Variants in NAALADL2 observed in about 807,000 individuals in gnomAD.
NAALADL2 encodes N-acetylated alpha-linked acidic dipeptidase like 2.
In NAALADL2, 76 loss-of-function variants were observed where a neutral mutation model predicts 87.2. The ratio of observed to expected loss-of-function variants is 0.87; its 90% CI spans 0.72 to 1.05. The LOEUF (loss-of-function observed/expected upper bound fraction) is 1.05. Among genes scored for constraint, NAALADL2 ranks in the 50% least tolerant of loss-of-function variants. NAALADL2 has a pLI of 0.00. For missense variants in NAALADL2, 1,089 were observed against 945.8 expected, an observed-to-expected ratio of 1.15 and a Z score of -1.99; for synonymous variants, 354 against 331.0, an observed-to-expected ratio of 1.07 and a Z score of -0.75.
chr3:175,630,865 G>C (rs1365453554), intron 11 of NAALADL2, among the ~76,000 whole-genome samples: 1 of 151,324 alleles, frequency 6.6e-6, no homozygotes, highest in Admixed American at 6.6e-5. Flanking sequence ...AAAAATATGA[G>C]AAATACTTGG....
intron 1 of NAALADL2, among the ~76,000 whole-genome samples, chr3:174,991,022 G>A (rs957862293): frequency 3.9e-5 from 6 of 152,060 alleles, no homozygotes; most frequent in Middle Eastern, 3.4e-3. Context: ...TGCATTATAC[G>A]TAAATACCAC....
At chr3:175,501,123 A>C (rs1250001478) in intron 9 of NAALADL2, among the ~76,000 whole-genome samples, 1 of 152,112 alleles carries the variant, frequency 6.6e-6, no homozygotes, top group Admixed American at 6.6e-5. Context: ...TCAGGAATTG[A>C]ATAAGAGAAC....
chr3:174,584,736 C>T (rs1258549021), intron 2 of NAALADL2, among the ~76,000 whole-genome samples: 2 of 151,984 alleles, frequency 1.3e-5, no homozygotes, highest in Non-Finnish European at 2.9e-5. Flanking sequence ...TTTTGCTGGT[C>T]CTTTGTGAAT....
Position 174,841,203 on chromosome 3 carries a change from A to T in NAALADL2, c.-9+103457A>T, listed in dbSNP as rs182904432. Among the ~76,000 whole-genome samples, 3 of 152,306 alleles carry T rather than the reference A, an allele frequency of 2.0e-5. No individual in the cohort carries two copies. In the East Asian group the frequency reaches 5.8e-4, roughly 29 times the overall value. ...TTGTTGTTGGAACCTACTTTTCTTC[A>T]TACTTCATGAATTGAAACCAAACCA... On this transcript the variant is annotated intron_variant, in intron 3 of 3. Transcript: ENST00000434257.
chr3:175,169,257 T>C (rs1486688987), intron 2 of NAALADL2, among the ~76,000 whole-genome samples: 3 of 151,686 alleles, frequency 2.0e-5, no homozygotes, highest in Non-Finnish European at 4.4e-5. Context: ...ACTTTTGGAT[T>C]AGTTATACCA....
intron 1 of NAALADL2, among the ~76,000 whole-genome samples, chr3:174,956,611 A>C (rs116217718): frequency 0.022 from 3,359 of 152,200 alleles, 109 homozygotes; most frequent in African/African-American, 0.069. Flanking sequence ...AATATTAGCC[A>C]TTAGGCTTTA....
intron 3 of NAALADL2, among the ~76,000 whole-genome samples, chr3:174,774,433 C>A (rs487415): frequency 0.54 from 81,743 of 151,976 alleles, 22,330 homozygotes; most frequent in Middle Eastern, 0.67. Context: ...GTTGGTCAGC[C>A]ATACCTTCAC....
At chr3:175,172,431 C>T (rs1001812156) in intron 2 of NAALADL2, among the ~76,000 whole-genome samples, 2 of 152,114 alleles carry the variant, frequency 1.3e-5, no homozygotes, top group South Asian at 2.1e-4. Flanking sequence ...GTAACAACTT[C>T]GCTAACCCTC....
intron 2 of NAALADL2, among the ~76,000 whole-genome samples, chr3:174,713,544 C>T (rs896834402): frequency 6.6e-6 from 1 of 152,200 alleles, no homozygotes; most frequent in Non-Finnish European, 1.5e-5. Context: ...TTGCATTTCT[C>T]TGATGGCCAG....
intron 1 of NAALADL2, among the ~76,000 whole-genome samples, chr3:174,467,530 T>G (rs1448177604): frequency 7.0e-6 from 1 of 141,888 alleles, no homozygotes; most frequent in African/African-American, 2.7e-5. Flanking sequence ...GAGGCAGAGG[T>G]TGCAGTGAGC....
chr3:174,543,825 T>C (rs1399794), intron 1 of NAALADL2, among the ~76,000 whole-genome samples: 15,811 of 151,866 alleles, frequency 0.1, 1,665 homozygotes, highest in East Asian at 0.48. Flanking sequence ...CTGGCCAACA[T>C]GACAAAACCC....
intron 10 of NAALADL2, among the ~76,000 whole-genome samples, chr3:175,606,347 TC>T (rs549910251): frequency 1.5e-4 from 22 of 150,790 alleles, no homozygotes; most frequent in Non-Finnish European, 2.8e-4. Context: ...AGTATTGGTT[TC>T]CCTTTTTTGC....
At chr3:174,528,668 G>A (rs189698486) in intron 1 of NAALADL2, among the ~76,000 whole-genome samples, 2 of 152,260 alleles carry the variant, frequency 1.3e-5, no homozygotes, top group East Asian at 3.9e-4. Flanking sequence ...AAAGAAAGAG[G>A]TTTATTGGAC....
At chr3:175,187,746 T>C (rs1455846871) in intron 2 of NAALADL2, among the ~76,000 whole-genome samples, 2 of 148,478 alleles carry the variant, frequency 1.3e-5, no homozygotes, top group Non-Finnish European at 3.0e-5. Flanking sequence ...ACCAGCAGAA[T>C]ATGGAACCAC....
chr3:175,716,282 T>A (rs905898664), intron 11 of NAALADL2, among the ~76,000 whole-genome samples: 1 of 145,764 alleles, frequency 6.9e-6, no homozygotes, highest in African/African-American at 2.5e-5. Context: ...TAATATATAT[T>A]ATGTTATTAC....
At chr3:175,653,811 G>A (rs1012087028) in intron 11 of NAALADL2, among the ~76,000 whole-genome samples, 6 of 152,044 alleles carry the variant, frequency 3.9e-5, no homozygotes, top group African/African-American at 1.5e-4. Flanking sequence ...TGTGTATAAT[G>A]AGCCTTAAAA....
At chr3:174,663,285 G>A (rs1725675572) in intron 2 of NAALADL2, among the ~76,000 whole-genome samples, 1 of 152,094 alleles carries the variant, frequency 6.6e-6, no homozygotes. Flanking sequence ...GTAGATATGA[G>A]TGTTTAAAGA....
chr3:175,067,248 C>T (rs1714691406), intron 1 of NAALADL2, among the ~76,000 whole-genome samples: 2 of 152,040 alleles, frequency 1.3e-5, no homozygotes, highest in Non-Finnish European at 2.9e-5. Context: ...ACTAGTGGAA[C>T]CTAATTAAAC....
chr3:175,456,716 C>T (rs1722375458), intron 6 of NAALADL2, among the ~76,000 whole-genome samples: 2 of 152,036 alleles, frequency 1.3e-5, no homozygotes, highest in Admixed American at 1.3e-4. Flanking sequence ...GCAACCATCA[C>T]AATCAGAAAT....
Sources: gnomAD v4.1 joint callset for allele counts (sites outside exome capture counted in the v4.1 genomes callset) on GRCh38, gnomAD v4.1.1 for gene constraint, MANE v1.5 for transcripts, NCBI Gene and HGNC (gene_info 2026-07-23, HGNC 2026-07-21) for gene names.